Variants in EZR observed in about 807,000 individuals in gnomAD.
EZR encodes the protein cytovillin 2.
A neutral mutation model predicts 74.8 loss-of-function variants in EZR; 40 were observed. The ratio of observed to expected loss-of-function variants is 0.53; its 90% confidence interval spans 0.42 to 0.70. The LOEUF (loss-of-function observed/expected upper bound fraction) is 0.70, where lower values mean the gene tolerates loss of function less well. Among genes scored for constraint, EZR ranks in the 30% least tolerant of loss-of-function variants. The pLI is 0.00. For synonymous variants in EZR, 341 were observed against 283.3 expected, an observed-to-expected ratio of 1.20 and a Z score of -2.05; for missense variants, 678 against 755.8, an observed-to-expected ratio of 0.90 and a Z score of 1.21.
At chr6:158,790,450 G>C (rs558198686) in intron 2 of EZR, among the ~76,000 whole-genome samples, 1 of 152,356 alleles carries the variant, frequency 6.6e-6, no homozygotes, top group Admixed American at 6.5e-5. Flanking sequence ...CGAGGCAGGT[G>C]GACCACTTGA....
chr6:158,771,444 C>T, intron 8 of EZR, 37 bp from the exon 9 acceptor site: 5 of 1,539,572 alleles, frequency 3.2e-6, no homozygotes, highest in Non-Finnish European at 4.4e-6. Context: ...ACTCAAGCTC[C>T]TTCGTTTGGT....
chr6:158,818,227 C>T (rs1294356889), intron 1 of EZR, 61 bp from the exon 2 acceptor site: 6 of 950,806 alleles, frequency 6.3e-6, no homozygotes, highest in Non-Finnish European at 4.6e-6. Flanking sequence ...CCTGCCGCGC[C>T]CGACACTCGG....
intron 2 of EZR, among the ~76,000 whole-genome samples, chr6:158,799,063 A>C (rs1049562488): frequency 3.3e-5 from 5 of 152,114 alleles, no homozygotes; most frequent in Non-Finnish European, 7.3e-5. Context: ...ACGGCTGCTC[A>C]CAAAAACATG....
At position 158,766,268 on chromosome 6, in the gene EZR, A is replaced by G. The variant is rs561027845; in HGVS notation, c.*646T>C. On this transcript the variant is annotated 3_prime_UTR_variant, in exon 14 of 14. Coordinates refer to ENST00000367075, the MANE Select transcript of EZR (RefSeq NM_001111077.2). Reference sequence around the variant, plus strand: ...ATATAGCTGATCATTAATAAGGTGTATAAGTACAATGTATTCTAAAACTGT... The same window carrying G: ...ATATAGCTGATCATTAATAAGGTGTGTAAGTACAATGTATTCTAAAACTGT... 10 of 152,096 alleles carry G rather than the reference A, an allele frequency of 6.6e-5. No individual in the cohort carries two copies. In the East Asian group the frequency reaches 1.4e-3, roughly 21 times the overall value. The allele number at this position is 152,096 out of a possible 1,614,324, so 9.4% of individuals were successfully genotyped here.
chr6:158,776,410 G>A lies in EZR; in HGVS notation c.793C>T (p.Pro265Ser), dbSNP rs1242032493. The stretch of plus-strand genomic sequence containing the variant: ...GAATAGAATCCTTTGGAACTTACAG[G>A]TGCCTTCTTGTCGATGGGTTTAATG... ...FVIKPIDKKA[P>S]DFVFYAPRLR... Residue 265 changes from proline to serine, a missense_variant and splice_region_variant, in exon 8 of 14, where the codon CCT (proline) becomes TCT (serine). By Grantham distance (74) the Pro-to-Ser change is moderately conservative (BLOSUM62 -1). This residue lies in a region of EZR where 119 missense variants were observed against 182.3 expected (regional missense o/e 0.65). Transcript: ENST00000367075. The A allele has an allele frequency of 6.2e-7, 1 of 1,611,878 alleles. No homozygotes were observed. The highest frequency in any genetic ancestry group is 2.2e-5 in the East Asian group (1 of 44,864).
intron 2 of EZR, among the ~76,000 whole-genome samples, chr6:158,808,655 C>T (rs996050438): frequency 1.3e-5 from 2 of 152,062 alleles, no homozygotes; most frequent in East Asian, 1.9e-4. Flanking sequence ...GCATCCCAGG[C>T]GGGCACGCAG....
chr6:158,783,787 T>C lies in EZR; in HGVS notation c.552-121A>G, dbSNP rs1791492681. On this transcript the variant is annotated intron_variant, in intron 6 of 13. Coordinates refer to ENST00000367075, the MANE Select transcript of EZR (RefSeq NM_001111077.2). Reference sequence around the variant, plus strand: ...GTAGGATGGGCTCAATGCTGTGTGCTGCGTGCAGGCAGGCAGGGGCCGGGC... The same window carrying C: ...GTAGGATGGGCTCAATGCTGTGTGCCGCGTGCAGGCAGGCAGGGGCCGGGC... 3.6e-6 allele frequency: 4 copies of C among 1,109,542 alleles called. No individual in the cohort carries two copies. The South Asian group carries it at 4.6e-5, about 13-fold the overall frequency. The allele number at this position is 1,109,542 out of a possible 1,614,324, so 68.7% of individuals were successfully genotyped here.
chr6:158,805,337 GAAAA>G (rs56269785), intron 2 of EZR, among the ~76,000 whole-genome samples: 233 of 116,882 alleles, frequency 2.0e-3, no homozygotes, highest in African/African-American at 7.7e-3. Context: ...TCCATCTCAG[GAAAA>G]AAAAAAAAAA....
rs138969630 is a variant in EZR at position 158,807,171 on chromosome 6, C to T, written c.12+10911G>A. 1.2e-4 allele frequency among the ~76,000 whole-genome samples: 18 copies of T among 152,066 alleles called. No individual in the cohort carries two copies. The East Asian group carries it at 2.7e-3, about 23-fold the overall frequency. On this transcript the variant is annotated intron_variant, in intron 2 of 13. Coordinates refer to ENST00000367075, the MANE Select transcript of EZR (RefSeq NM_001111077.2). Reference sequence around the variant, plus strand: ...ACTAAAAAATACAAAAAAAATTAGCCGAGTGTGATGGCTGGCGCCTGTAGT... The same window carrying T: ...ACTAAAAAATACAAAAAAAATTAGCTGAGTGTGATGGCTGGCGCCTGTAGT...
At chr6:158,811,707 TA>T (rs1293194048) in intron 2 of EZR, among the ~76,000 whole-genome samples, 1 of 151,692 alleles carries the variant, frequency 6.6e-6, no homozygotes, top group Non-Finnish European at 1.5e-5. Flanking sequence ...CACAAAAAAA[TA>T]AAAAATTAGC....
intron 2 of EZR, among the ~76,000 whole-genome samples, chr6:158,811,051 C>G (rs557803115): frequency 8.6e-4 from 131 of 152,292 alleles, no homozygotes; most frequent in African/African-American, 2.9e-3. Context: ...TCAAGCATTT[C>G]AGTCAAAAGT....
At chr6:158,793,910 G>A (rs1454835187) in intron 2 of EZR, among the ~76,000 whole-genome samples, 1 of 152,188 alleles carries the variant, frequency 6.6e-6, no homozygotes, top group African/African-American at 2.4e-5. Flanking sequence ...AATTTAAAAT[G>A]AGACATTCAC....
chr6:158,799,358 G>A (rs186737718), intron 2 of EZR, among the ~76,000 whole-genome samples: 2 of 152,318 alleles, frequency 1.3e-5, no homozygotes, highest in African/African-American at 2.4e-5. Context: ...CAGTGCCCGG[G>A]CGGCAGGGGG....
At chr6:158,787,080 A>T (rs375123290) in intron 4 of EZR, 28 bp downstream of exon 4, 6 of 1,576,412 alleles carry the variant, frequency 3.8e-6, no homozygotes, top group Non-Finnish European at 4.4e-6. Context: ...CCCAATCCAC[A>T]GCCTGTAAAT....
chr6:158,770,012 T>A (rs1791050940), intron 10 of EZR, 68 bp from the exon 11 acceptor site: 5 of 1,577,734 alleles, frequency 3.2e-6, no homozygotes, highest in Non-Finnish European at 4.3e-6. Context: ...TCGCTTTCCA[T>A]TCCCACCCCC....
rs748898161 is a variant in EZR at position 158,767,467 on chromosome 6, G to A, written c.1390C>T (p.His464Tyr). The A allele has an allele frequency of 1.1e-5, 17 of 1,610,782 alleles. No individual in the cohort carries two copies. The highest frequency in any genetic ancestry group is 1.3e-5 in the Non-Finnish European group (15 of 1,177,818). ...DDLVKTKEELHLVMTAPPPPP... is the reference protein window; with the variant it reads ...DDLVKTKEELYLVMTAPPPPP... The stretch of plus-strand genomic sequence containing the variant: ...GGCGGGGGTGCTGTCATCACCAGGT[G>A]CAGCTCCTCCTTGGTCTTCACCAGG... Residue 464 changes from histidine to tyrosine, a missense_variant, in exon 13 of 14, where the codon CAC becomes TAC. By Grantham distance (83) the His-to-Tyr change is moderately conservative. Coordinates refer to ENST00000367075, the MANE Select transcript of EZR (RefSeq NM_001111077.2).
At chr6:158,809,151 G>C (rs541907259) in intron 2 of EZR, among the ~76,000 whole-genome samples, 1 of 152,180 alleles carries the variant, frequency 6.6e-6, no homozygotes, top group East Asian at 1.9e-4. Flanking sequence ...AAGACAAAAA[G>C]CACAAATAAA....
intron 2 of EZR, among the ~76,000 whole-genome samples, chr6:158,817,296 T>A (rs1777578557): frequency 6.6e-6 from 1 of 152,196 alleles, no homozygotes; most frequent in South Asian, 2.1e-4. Flanking sequence ...TACATACAAC[T>A]TTCTAAGAAG....
chr6:158,799,780 G>A (rs571161192), intron 2 of EZR, among the ~76,000 whole-genome samples: 63 of 152,240 alleles, frequency 4.1e-4, no homozygotes, highest in Non-Finnish European at 8.1e-4. Flanking sequence ...AAAAGCCCGA[G>A]AGGCAAGTGA....
Sources: allele counts gnomAD v4.1 joint callset (sites outside exome capture counted in the v4.1 genomes callset), GRCh38; gene constraint gnomAD v4.1.1; regional missense constraint gnomAD v4.1.1; transcripts MANE v1.5; gene names NCBI Gene and HGNC (gene_info 2026-07-23, HGNC 2026-07-21).